The following RANBP17 variants were observed in gnomAD, a reference collection of about 807,000 sequenced individuals.
The protein encoded by RANBP17 is ran-binding protein 17.
RANBP17 carries 158 observed loss-of-function variants against 141.2 expected under a neutral mutation model. The ratio of observed to expected loss-of-function variants is 1.12; its 90% CI spans 0.98 to 1.28. The LOEUF (loss-of-function observed/expected upper bound fraction) is 1.28. RANBP17 is among the 50% of genes most tolerant of loss of function. RANBP17 has a pLI of 0.00. For synonymous variants in RANBP17, 430 were observed against 450.0 expected, an observed-to-expected ratio of 0.96 and a Z score of 0.56; for missense variants, 1,438 against 1,290.7, an observed-to-expected ratio of 1.11 and a Z score of -1.75.
At chr5:171,223,286 A>G (rs1763684277) in intron 22 of RANBP17, among the ~76,000 whole-genome samples, 1 of 152,216 alleles carries the variant, frequency 6.6e-6, no homozygotes, top group South Asian at 2.1e-4. Flanking sequence ...CATCTGTACC[A>G]GTAACTACAT....
In RANBP17 at chr5:170,968,291, A is replaced by G. The variant is rs1298297885; in HGVS notation, c.1624A>G (p.Asn542Asp). ...GGATACCGGATTGCCTCGATGTTGTAATGAGAAAATAGAGCTTGCAATTCT... is the reference window on the plus strand; with the variant it reads ...GGATACCGGATTGCCTCGATGTTGTGATGAGAAAATAGAGCTTGCAATTCT... ...LMDTGLPRCC[N>D]EKIELAILWF... Residue 542 changes from asparagine to aspartate, a missense_variant, in exon 14 of 28, where the codon AAT becomes GAT. Coordinates refer to ENST00000523189, the MANE Select transcript of RANBP17 (RefSeq NM_022897.5). The G allele has an allele frequency of 6.2e-7, 1 of 1,607,594 alleles. No homozygotes were observed. Among genetic ancestry groups the G allele is most frequent in the Admixed American group, 1.7e-5 (1 of 58,912 alleles).
At chr5:170,988,659 CT>C (rs1003693467) in intron 14 of RANBP17, among the ~76,000 whole-genome samples, 1 of 151,510 alleles carries the variant, frequency 6.6e-6, no homozygotes, top group African/African-American at 2.4e-5. Flanking sequence ...CATATTTTCC[CT>C]GATAAAAGAT....
intron 14 of RANBP17, among the ~76,000 whole-genome samples, chr5:171,070,270 T>A (rs1784558363): frequency 6.6e-6 from 1 of 152,126 alleles, no homozygotes; most frequent in African/African-American, 2.4e-5. Context: ...CCAACAAAAT[T>A]AATTACCATA....
At chr5:171,066,259 T>C (rs1398119613) in intron 14 of RANBP17, among the ~76,000 whole-genome samples, 1 of 152,200 alleles carries the variant, frequency 6.6e-6, no homozygotes, top group Non-Finnish European at 1.5e-5. Context: ...TACAATAGTC[T>C]TCTTGAACTT....
intron 14 of RANBP17, among the ~76,000 whole-genome samples, chr5:171,139,149 A>G (rs968724991): frequency 1.3e-5 from 2 of 152,210 alleles, no homozygotes; most frequent in Non-Finnish European, 2.9e-5. Context: ...ACAATTTACA[A>G]GTAAAATTAT....
intron 18 of RANBP17, among the ~76,000 whole-genome samples, chr5:171,184,891 G>T (rs528986141): frequency 1.3e-5 from 2 of 152,228 alleles, no homozygotes; most frequent in African/African-American, 4.8e-5. Flanking sequence ...GGCCAGGTGC[G>T]GTGGCTCACA....
chr5:171,224,469 A>G (rs1355401503), intron 22 of RANBP17, among the ~76,000 whole-genome samples: 1 of 152,208 alleles, frequency 6.6e-6, no homozygotes, highest in Non-Finnish European at 1.5e-5. Context: ...CTAGGACAGA[A>G]TGTATGTCCA....
chr5:171,223,080 A>G (rs1164604170), intron 22 of RANBP17, among the ~76,000 whole-genome samples: 2 of 152,220 alleles, frequency 1.3e-5, no homozygotes, highest in African/African-American at 4.8e-5. Flanking sequence ...TTTAAAAAGA[A>G]AAAAATGGGT....
At chr5:171,143,511 A>T (rs950185465) in intron 14 of RANBP17, 8 of 152,084 alleles carry the variant, frequency 5.3e-5, no homozygotes, top group Non-Finnish European at 1.0e-4. Flanking sequence ...CTTTAAAAAA[A>T]TTTTTTTCAC....
At chr5:171,218,153 T>TAGTC (rs1325440059) in intron 21 of RANBP17, among the ~76,000 whole-genome samples, 2 of 152,296 alleles carry the variant, frequency 1.3e-5, no homozygotes, top group East Asian at 3.9e-4. Context: ...ATTTACCCAG[T>TAGTC]AGTCATTCAG....
At chr5:170,968,698 T>A (rs1490707079) in intron 14 of RANBP17, 2 of 465,060 alleles carry the variant, frequency 4.3e-6, no homozygotes, top group Admixed American at 4.7e-5. Flanking sequence ...GCTTTTTTAG[T>A]AGTTCCAGGG....
chr5:171,159,377 C>T (rs11739382), intron 14 of RANBP17, among the ~76,000 whole-genome samples: 5,022 of 152,244 alleles, frequency 0.033, 102 homozygotes, highest in Non-Finnish European at 0.05. Flanking sequence ...ATGTCTAGTC[C>T]TGGCTCGCCA....
At position 170,909,670 on chromosome 5, in the gene RANBP17, T is replaced by C; in HGVS notation, c.499T>C (p.Ser167Pro). 6.4e-7 allele frequency: 1 copy of C among 1,560,294 alleles called. No homozygotes were observed. Among genetic ancestry groups the C allele is most frequent in the Non-Finnish European group, 8.8e-7 (1 of 1,135,614 alleles). ...ATCTTTATCTTTTTAGGTTGATTAT[T>C]CTAGACCTTCAGCAAAACACAGGAA... Reference protein sequence around the residue: ...LTQEMNLVDYSRPSAKHRKIA... With the variant: ...LTQEMNLVDYPRPSAKHRKIA... The change falls in exon 6 of 28, where the codon TCT becomes CCT. Residue 167 changes from serine to proline, a missense_variant. By Grantham distance (74) the Ser-to-Pro change is moderately conservative. Transcript: ENST00000523189.
At chr5:171,278,498 C>CA (rs534386292) in intron 25 of RANBP17, among the ~76,000 whole-genome samples, 8 of 149,546 alleles carry the variant, frequency 5.3e-5, no homozygotes, top group East Asian at 2.0e-4. Context: ...GACTCCATCT[C>CA]AAAAAAAAAA....
chr5:171,220,278 G>A (rs892825825), intron 21 of RANBP17, among the ~76,000 whole-genome samples: 1 of 151,530 alleles, frequency 6.6e-6, no homozygotes, highest in Non-Finnish European at 1.5e-5. Flanking sequence ...GTCTCAGAGG[G>A]GCACCCGGCC....
intron 22 of RANBP17, among the ~76,000 whole-genome samples, chr5:171,230,417 G>T (rs1764140730): frequency 6.6e-6 from 1 of 152,202 alleles, no homozygotes; most frequent in African/African-American, 2.4e-5. Context: ...GCTTTAGGCA[G>T]TGAGAGACGC....
In RANBP17 at chr5:171,221,749, A is replaced by G. The variant is rs915590247; in HGVS notation, c.2340-9A>G. On this transcript the variant is annotated splice_polypyrimidine_tract_variant and intron_variant, in intron 21 of 27. Coordinates refer to ENST00000523189, the MANE Select transcript of RANBP17 (RefSeq NM_022897.5). ...TCACATATAGGCAATTTTTTTCTAT[A>G]TTTCTTAGATCCCAGCGTTTGAATT... 5 of 1,574,238 alleles carry G rather than the reference A, an allele frequency of 3.2e-6. No homozygotes were observed. The Admixed American group carries it at 6.8e-5, about 21-fold the overall frequency.
intron 5 of RANBP17, chr5:170,896,957 GC>G: frequency 2.1e-6 from 2 of 936,714 alleles, no homozygotes; most frequent in Non-Finnish European, 3.3e-6. Context: ...ATACTGGTTG[GC>G]CAGTGCGAAA....
chr5:171,010,349 A>T (rs1012464584), intron 14 of RANBP17, among the ~76,000 whole-genome samples: 3 of 152,214 alleles, frequency 2.0e-5, no homozygotes, highest in African/African-American at 7.2e-5. Flanking sequence ...TCTTCACGAT[A>T]AAACCAAAGC....
Sources: allele counts gnomAD v4.1 joint callset (sites outside exome capture counted in the v4.1 genomes callset), GRCh38; gene constraint gnomAD v4.1.1; transcripts MANE v1.5; gene names NCBI Gene and HGNC (gene_info 2026-07-23, HGNC 2026-07-21).